RAI1: variants seen among roughly 807,000 people sequenced by gnomAD.
RAI1 encodes the protein retinoic acid induced 1, also known as retinoic acid-induced protein 1.
RAI1 carries 9 observed loss-of-function variants against 123.8 expected under a neutral mutation model. That is an observed-to-expected ratio of 0.07 (90% CI 0.04 to 0.13). The LOEUF (loss-of-function observed/expected upper bound fraction) is 0.13. Among genes scored for constraint, RAI1 ranks in the 10% least tolerant of loss-of-function variants. The probability of loss-of-function intolerance (pLI) is 1.00; values close to 1 mark genes in which losing one functional copy is unlikely to be tolerated. For synonymous variants in RAI1, 1,231 were observed against 1,127.3 expected (o/e 1.09, Z -1.84); for missense variants, 2,256 against 2,545.8 (o/e 0.89, Z 2.45).
chr17:17,809,161 G>A lies in RAI1; in HGVS notation c.5660-229G>A, dbSNP rs1348083534. ...TGGAACTCAGGGGGAAAAGCTCTCC[G>A]CGGAGGAGGTGAGGTGAGTCAAGAC... On this transcript the variant is annotated intron_variant, in intron 4 of 5. Coordinates refer to ENST00000353383, the MANE Select transcript of RAI1 (RefSeq NM_030665.4). This position sits in a 1 kb window ranked among gnomAD's most constrained non-coding sequence, Gnocchi z 4.9. 1.6e-6 allele frequency: 1 copy of A among 620,556 alleles called. No individual in the cohort carries two copies. Among genetic ancestry groups the A allele is most frequent in the South Asian group, 1.8e-5 (1 of 56,384 alleles). 38.4% of individuals were successfully genotyped at this position (620,556 alleles called of 1,614,324 possible). A position where few individuals can be genotyped will look rare whatever the true frequency, so the allele number is the denominator to read the frequency against.
At chr17:17,792,898 T>TGG in intron 2 of RAI1, 35 bp from the exon 3 acceptor site, 2 of 606,864 alleles carry the variant, frequency 3.3e-6, no homozygotes. Flanking sequence ...CCTCCCTCCT[T>TGG]CCCTCCCTCC....
chr17:17,808,421 T>G (rs1440654010), intron 4 of RAI1, among the ~76,000 whole-genome samples: 1 of 98,040 alleles, frequency 1.0e-5, no homozygotes, highest in Non-Finnish European at 2.3e-5. Context: ...TTTATTATTT[T>G]ATTTTATTTT....
chr17:17,775,209 T>A (rs1181488153), intron 2 of RAI1, among the ~76,000 whole-genome samples: 2 of 150,404 alleles, frequency 1.3e-5, no homozygotes, highest in African/African-American at 4.9e-5. Context: ...TAATTTTTTT[T>A]TTTTTTTTTT....
At position 17,793,823 on chromosome 17, in the gene RAI1, C is replaced by G. The variant is rs141873298; in HGVS notation, c.875C>G (p.Ala292Gly). ...CAGCAGCAGCAGCAGCAGCAGCAAG[C>G]CCTTCAGAGCCGGCACCATGCCCAG... ...QQQQQQQQQQ[A>G]LQSRHHAQET... Residue 292 changes from alanine (A) to glycine (G), a missense_variant, in exon 3 of 6, where the codon GCC (alanine) becomes GGC (glycine). Transcript: ENST00000353383. 6.2e-7 allele frequency: 1 copy of G among 1,609,726 alleles called. No individual in the cohort carries two copies. Among genetic ancestry groups the G allele is most frequent in the Non-Finnish European group, 8.5e-7 (1 of 1,177,504 alleles).
At position 17,800,620 on chromosome 17, in the gene RAI1, G is replaced by A. The variant is rs929556761; in HGVS notation, c.5565+2107G>A. Among the ~76,000 whole-genome samples, 84 of 152,332 alleles carry A rather than the reference G, an allele frequency of 5.5e-4. No homozygotes were observed. Among genetic ancestry groups the A allele is most frequent in the African/African-American group, 1.9e-3 (79 of 41,576 alleles). On this transcript the variant is annotated intron_variant, in intron 3 of 5. Coordinates refer to ENST00000353383, the MANE Select transcript of RAI1 (RefSeq NM_030665.4). This position sits in a 1 kb window ranked among gnomAD's most constrained non-coding sequence, Gnocchi z 4.7. ...AGGCGCTAGCTTCCCTACACCACGCGGGGGCTGGAACTTGCCAGCCCAGCC... is the reference window on the plus strand; with the variant it reads ...AGGCGCTAGCTTCCCTACACCACGCAGGGGCTGGAACTTGCCAGCCCAGCC...
At chr17:17,807,735 C>G (rs2032622419) in intron 4 of RAI1, among the ~76,000 whole-genome samples, 1 of 152,220 alleles carries the variant, frequency 6.6e-6, no homozygotes, top group African/African-American at 2.4e-5. Context: ...GGTGGGAGTG[C>G]CCGCAGCTAC....
intron 1 of RAI1, among the ~76,000 whole-genome samples, chr17:17,704,702 C>T (rs1213354715): frequency 6.6e-6 from 1 of 152,106 alleles, no homozygotes; most frequent in Non-Finnish European, 1.5e-5. Context: ...TCAGGTCCTT[C>T]GCCTGGTGTC....
chr17:17,796,958 C>G lies in RAI1; in HGVS notation c.4010C>G (p.Thr1337Ser). Reference sequence around the variant, plus strand: ...CTGGAAGCCATCGTGCAGAAGATCACCTCGCCCAGCCTCAAGAAGTTCGCA... The same window carrying G: ...CTGGAAGCCATCGTGCAGAAGATCAGCTCGCCCAGCCTCAAGAAGTTCGCA... ...LKLEAIVQKI[T>S]SPSLKKFACK... The change falls in exon 3 of 6, where the codon ACC (threonine) becomes AGC (serine). Residue 1337 changes from threonine (T) to serine (S), a missense_variant. Thr to Ser is a moderately conservative substitution (Grantham distance 58, BLOSUM62 1). Transcript: ENST00000353383. This position sits in a 1 kb window ranked among gnomAD's most constrained non-coding sequence, Gnocchi z 5.8. The G allele has an allele frequency of 6.2e-7, 1 of 1,613,740 alleles. No homozygotes were observed. The highest frequency in any genetic ancestry group is 8.5e-7 in the Non-Finnish European group (1 of 1,180,040).
chr17:17,698,676 G>A (rs764109141), intron 1 of RAI1, among the ~76,000 whole-genome samples: 13 of 152,250 alleles, frequency 8.5e-5, no homozygotes, highest in South Asian at 2.1e-4. Context: ...GAGGCATTGA[G>A]GCCCCTCTCA....
intron 2 of RAI1, among the ~76,000 whole-genome samples, chr17:17,767,333 G>A (rs748394595): frequency 1.7e-4 from 26 of 151,522 alleles, no homozygotes; most frequent in Non-Finnish European, 2.9e-4. Flanking sequence ...CCATTAACCA[G>A]AATTTGGTTC....
At chr17:17,770,038 C>T (rs2031086947) in intron 2 of RAI1, among the ~76,000 whole-genome samples, 1 of 152,096 alleles carries the variant, frequency 6.6e-6, no homozygotes, top group Admixed American at 6.5e-5. Context: ...CTGGGCCCTC[C>T]AGGACCCTAG....
intron 2 of RAI1, among the ~76,000 whole-genome samples, chr17:17,757,674 G>C (rs1300003562): frequency 6.6e-6 from 1 of 152,152 alleles, no homozygotes; most frequent in South Asian, 2.1e-4. Flanking sequence ...GTTAGGACTC[G>C]CATTTTGCCT....
intron 2 of RAI1, among the ~76,000 whole-genome samples, chr17:17,759,563 G>C (rs1353168311): frequency 6.9e-6 from 1 of 145,232 alleles, no homozygotes; most frequent in Non-Finnish European, 1.5e-5. Context: ...AACAGAAGTT[G>C]CATCATGTTC....
intron 2 of RAI1, among the ~76,000 whole-genome samples, chr17:17,786,989 C>G (rs1567907039): frequency 6.6e-6 from 1 of 152,218 alleles, no homozygotes; most frequent in Admixed American, 6.5e-5. Context: ...TGTGGTGAGC[C>G]CAGATCGCGC....
At chr17:17,778,814 G>A in intron 2 of RAI1, 1 of 456,770 alleles carries the variant, frequency 2.2e-6, no homozygotes, top group Non-Finnish European at 4.4e-6. Context: ...AGCTAGCTAT[G>A]TACAGCTGGA....
intron 1 of RAI1, among the ~76,000 whole-genome samples, chr17:17,689,860 G>A (rs1914777135): frequency 6.6e-6 from 1 of 152,118 alleles, no homozygotes; most frequent in Non-Finnish European, 1.5e-5. Flanking sequence ...GGATCTCATG[G>A]ACCAGCTTGG....
At position 17,794,010 on chromosome 17, in the gene RAI1, T is replaced by TTCCTACAGTTCCACACCG. The variant is rs1262046850; in HGVS notation, c.1065_1082dup (p.Tyr356_Ser361dup). 6.2e-7 allele frequency: 1 copy of TTCCTACAGTTCCACACCG among 1,613,788 alleles called. No individual in the cohort carries two copies. Among genetic ancestry groups the TTCCTACAGTTCCACACCG allele is most frequent in the African/African-American group, 1.3e-5 (1 of 74,892 alleles). Reference sequence around the variant, plus strand: ...CCGCCCGCTCCGTGGGCCGCTCACCTTCCTACAGTTCCACACCGTCGCCGC... The same window carrying TTCCTACAGTTCCACACCG: ...CCGCCCGCTCCGTGGGCCGCTCACCTTCCTACAGTTCCACACCGTCCTACAGTTCCACACCGTCGCCGC... On this transcript the variant is annotated inframe_insertion, in exon 3 of 6. Transcript: ENST00000353383.
At chr17:17,715,900 C>T (rs977665272) in intron 1 of RAI1, among the ~76,000 whole-genome samples, 1 of 152,236 alleles carries the variant, frequency 6.6e-6, no homozygotes, top group Admixed American at 6.5e-5. Flanking sequence ...TTGTCCGTTC[C>T]GTGCCCTCCT....
intron 1 of RAI1, among the ~76,000 whole-genome samples, chr17:17,690,123 G>A (rs1429351281): frequency 1.3e-5 from 2 of 152,276 alleles, no homozygotes; most frequent in South Asian, 4.1e-4. Flanking sequence ...CGTGGCTCAC[G>A]CCTGCAATCC....
Sources: gnomAD v4.1 joint callset for allele counts (sites outside exome capture counted in the v4.1 genomes callset) on GRCh38, gnomAD v4.1.1 for gene constraint, Gnocchi (gnomAD v3.1) non-coding constraint, MANE v1.5 for transcripts, NCBI Gene and HGNC (gene_info 2026-07-23, HGNC 2026-07-21) for gene names.